The following VEZF1 variants were observed in gnomAD, a reference collection of about 807,000 sequenced individuals.
The protein encoded by VEZF1 is vascular endothelial zinc finger 1, also known as putative transcription factor DB1.
A neutral mutation model predicts 44.1 loss-of-function variants in VEZF1; 5 were observed. The ratio of observed to expected loss-of-function variants is 0.11; its 90% CI spans 0.06 to 0.24. The LOEUF is 0.24. Ranked by LOEUF, VEZF1 falls within the 10% of genes least tolerant of loss-of-function variation. VEZF1 has a pLI of 1.00. For synonymous variants in VEZF1, 236 were observed against 233.1 expected, an observed-to-expected ratio of 1.01 and a Z score of -0.11; for missense variants, 358 against 641.8, an observed-to-expected ratio of 0.56 and a Z score of 4.78.
At chr17:57,987,756 G>T (rs1384674553) in intron 1 of VEZF1, among the ~76,000 whole-genome samples, 3 of 151,974 alleles carry the variant, frequency 2.0e-5, no homozygotes, top group Admixed American at 6.5e-5. Flanking sequence ...GGGCCGCGGG[G>T]TGGTGACAGC....
chr17:57,988,058 C>T lies in VEZF1; in HGVS notation c.33+21G>A, dbSNP rs1016937206. 1.6e-5 allele frequency: 6 copies of T among 374,648 alleles called. No homozygotes were observed. In the Admixed American group the frequency reaches 2.4e-4, roughly 15 times the overall value. 23.2% of individuals were successfully genotyped at this position (374,648 alleles called of 1,614,324 possible). A position where few individuals can be genotyped will look rare whatever the true frequency, so the allele number is the denominator to read the frequency against. ...CGGCCCCCCTGTCCCCCCCGTGCCC[C>T]CCCGGGGGGGCCCCCAGTACCTGGA... On this transcript the variant is annotated intron_variant, in intron 1 of 5. Transcript: ENST00000581208.
At chr17:57,983,659 T>A (rs753106227) in intron 1 of VEZF1, among the ~76,000 whole-genome samples, 3 of 152,206 alleles carry the variant, frequency 2.0e-5, no homozygotes, top group Non-Finnish European at 4.4e-5. Flanking sequence ...ACTATCCTGG[T>A]TCATAAGGGA....
chr17:57,983,327 C>T lies in VEZF1; in HGVS notation c.100G>A (p.Ala34Thr). 1 of 1,614,144 alleles carries T rather than the reference C, an allele frequency of 6.2e-7. No homozygotes were observed. The change falls in exon 2 of 6, where the codon GCC becomes ACC. Residue 34 changes from alanine to threonine, a missense_variant. Around this residue, in one of 4 missense-constraint regions of VEZF1, gnomAD observed 117 missense variants for 207.2 expected, o/e 0.56. Transcript: ENST00000581208. ...GGTTTCTGATCAGGGGGCTCCACGGCAGAGCTCAGGAGGGGCAGCAAGCTG... is the reference window on the plus strand; with the variant it reads ...GGTTTCTGATCAGGGGGCTCCACGGTAGAGCTCAGGAGGGGCAGCAAGCTG... ...QNSLLPLLSS[A>T]VEPPDQKPLL...
chr17:57,986,123 G>C lies in VEZF1; in HGVS notation c.33+1956C>G, dbSNP rs1187136980. 5.9e-5 allele frequency: 9 copies of C among 151,990 alleles called. 1 individual carries two copies. The South Asian group carries it at 1.9e-3, about 32-fold the overall frequency. The allele number at this position is 151,990 out of a possible 1,614,324, so 9.4% of individuals were successfully genotyped here. On this transcript the variant is annotated intron_variant, in intron 1 of 5. Transcript: ENST00000581208. ...ATTTGTTTTCACACTTCTCCATCAG[G>C]TGGAAAAAAAGATTTTAATAGCTGA...
chr17:57,984,106 C>T (rs1339878156), intron 1 of VEZF1, among the ~76,000 whole-genome samples: 1 of 152,198 alleles, frequency 6.6e-6, no homozygotes, highest in Non-Finnish European at 1.5e-5. Context: ...CATCTTTCAG[C>T]AACACTATCT....
chr17:57,979,360 T>C (rs747204632), intron 4 of VEZF1, 47 bp from the exon 5 acceptor site: 8 of 1,596,826 alleles, frequency 5.0e-6, no homozygotes, highest in African/African-American at 1.3e-5. Context: ...TGTAAAACTG[T>C]TGCCGTTTTT....
rs144185977 is a variant in VEZF1 at position 57,973,295 on chromosome 17, C to T, written c.*1178G>A. On this transcript the variant is annotated 3_prime_UTR_variant, in exon 6 of 6. Coordinates refer to ENST00000581208, the MANE Select transcript of VEZF1 (RefSeq NM_007146.3). ...CCCTGAAAACACCACAAAGCTGATACAAGTGTTTTCTCAAAGAAAAAAAAA... is the reference window on the plus strand; with the variant it reads ...CCCTGAAAACACCACAAAGCTGATATAAGTGTTTTCTCAAAGAAAAAAAAA... The T allele has an allele frequency of 6.6e-6, 1 of 151,872 alleles. No individual in the cohort carries two copies. The highest frequency in any genetic ancestry group is 2.4e-5 in the African/African-American group (1 of 41,330). The allele number at this position is 151,872 out of a possible 1,614,324, so 9.4% of individuals were successfully genotyped here.
chr17:57,976,033 C>T (rs2075187398), intron 5 of VEZF1, among the ~76,000 whole-genome samples: 1 of 152,048 alleles, frequency 6.6e-6, no homozygotes, highest in African/African-American at 2.4e-5. Context: ...TAGGCTCAAG[C>T]GATCCGTCCA....
intron 5 of VEZF1, 142 bp from the exon 6 acceptor site, chr17:57,975,042 C>T: frequency 1.0e-6 from 1 of 988,766 alleles, no homozygotes; most frequent in Non-Finnish European, 1.4e-6. Flanking sequence ...GTCAACAGAA[C>T]AGAGGATCTT....
At chr17:57,987,595 G>A (rs930211935) in intron 1 of VEZF1, among the ~76,000 whole-genome samples, 10 of 152,036 alleles carry the variant, frequency 6.6e-5, no homozygotes, top group Non-Finnish European at 1.5e-4. Context: ...CGAGGAAGGT[G>A]AAAAGAGAAC....
Position 57,973,222 on chromosome 17 carries a change from C to G in VEZF1, c.*1251G>C, listed in dbSNP as rs754342900. 1.3e-5 allele frequency: 2 copies of G among 152,124 alleles called. No homozygotes were observed. Among genetic ancestry groups the G allele is most frequent in the African/African-American group, 4.8e-5 (2 of 41,504 alleles). The allele number at this position is 152,124 out of a possible 1,614,324, so 9.4% of individuals were successfully genotyped here. On this transcript the variant is annotated 3_prime_UTR_variant, in exon 6 of 6. Coordinates refer to ENST00000581208, the MANE Select transcript of VEZF1 (RefSeq NM_007146.3). ...AAGAAATAAAAAGCACATGTCTCAA[C>G]GTGCATAATCATTGCTGGGTTTCTA...
chr17:57,976,052 T>A (rs1383097944), intron 5 of VEZF1, among the ~76,000 whole-genome samples: 1 of 152,094 alleles, frequency 6.6e-6, no homozygotes, highest in Non-Finnish European at 1.5e-5. Flanking sequence ...CACCTCAGCC[T>A]CCCAAAGTGC....
At chr17:57,980,054 ACTT>A (rs1364901154) in intron 4 of VEZF1, among the ~76,000 whole-genome samples, 20 of 152,160 alleles carry the variant, frequency 1.3e-4, no homozygotes, top group African/African-American at 4.8e-4. Context: ...AAAGAAGTGT[ACTT>A]ACAAACCCAG....
At chr17:57,986,195 C>T (rs1049332536) in intron 1 of VEZF1, 3 of 152,034 alleles carry the variant, frequency 2.0e-5, no homozygotes, top group Admixed American at 6.5e-5. Flanking sequence ...GATCAATAAA[C>T]GCTTGGCATT....
At chr17:57,981,808 G>A (rs1300604553) in intron 3 of VEZF1, 65 bp downstream of exon 3, 9 of 1,492,806 alleles carry the variant, frequency 6.0e-6, no homozygotes, top group Non-Finnish European at 8.4e-6. Context: ...AGATTCAACT[G>A]GCTCAGACCT....
At chr17:57,980,839 T>C in intron 3 of VEZF1, 53 bp from the exon 4 acceptor site, 1 of 1,580,608 alleles carries the variant, frequency 6.3e-7, no homozygotes, top group Non-Finnish European at 8.6e-7. Context: ...GTTCTACTCA[T>C]TTTGAAGTAC....
intron 5 of VEZF1, among the ~76,000 whole-genome samples, chr17:57,976,074 T>G (rs1028548516): frequency 6.6e-6 from 1 of 152,012 alleles, no homozygotes; most frequent in African/African-American, 2.4e-5. Context: ...GGGATTAAGG[T>G]GTGAGCCAGG....
intron 1 of VEZF1, 111 bp downstream of exon 1, chr17:57,987,968 G>C (rs2075315988): frequency 1.2e-5 from 2 of 169,360 alleles, no homozygotes. Context: ...GATTAAGGCC[G>C]GGCCGGAGAG....
intron 4 of VEZF1, among the ~76,000 whole-genome samples, chr17:57,979,820 G>A (rs12948279): frequency 0.087 from 13,185 of 151,516 alleles, 720 homozygotes; most frequent in African/African-American, 0.16. Context: ...AAGTAGCAAA[G>A]GTAATCGGGC....
Sources: gnomAD v4.1 joint callset for allele counts (sites outside exome capture counted in the v4.1 genomes callset) on GRCh38, gnomAD v4.1.1 for gene constraint, gnomAD v4.1.1 regional missense constraint, MANE v1.5 for transcripts, NCBI Gene and HGNC (gene_info 2026-07-23, HGNC 2026-07-21) for gene names.